Variants in UPF2 observed in about 807,000 individuals in gnomAD.
UPF2 encodes the protein regulator of nonsense transcripts 2.
In UPF2, 17 loss-of-function variants were observed where a neutral mutation model predicts 141.4. That is an observed-to-expected ratio of 0.12 (90% CI 0.08 to 0.18). The LOEUF is 0.18. UPF2 is among the 10% of genes least tolerant of loss of function. The pLI is 1.00. For missense variants in UPF2, 1,152 were observed against 1,515.9 expected, an observed-to-expected ratio of 0.76 and a Z score of 3.99; for synonymous variants, 540 against 498.0, an observed-to-expected ratio of 1.08 and a Z score of -1.12.
intron 11 of UPF2, among the ~76,000 whole-genome samples, chr10:11,960,904 C>A (rs974669805): frequency 4.6e-5 from 7 of 151,964 alleles, no homozygotes; most frequent in Admixed American, 2.6e-4. Context: ...GCAGTCCTAG[C>A]AACGTAGTGA....
chr10:11,951,771 C>A (rs1363683356), intron 15 of UPF2, among the ~76,000 whole-genome samples: 2 of 152,020 alleles, frequency 1.3e-5, no homozygotes, highest in East Asian at 1.9e-4. Context: ...ATATTAGCAA[C>A]CAAAAATTCT....
At chr10:12,023,000 C>A (rs1354855090) in intron 3 of UPF2, among the ~76,000 whole-genome samples, 1 of 151,952 alleles carries the variant, frequency 6.6e-6, no homozygotes, top group Non-Finnish European at 1.5e-5. Context: ...AAACTTGTTA[C>A]CACTTCCACC....
chr10:12,032,271 G>T (rs1834538159), intron 2 of UPF2, among the ~76,000 whole-genome samples: 1 of 148,716 alleles, frequency 6.7e-6, no homozygotes, highest in African/African-American at 2.5e-5. Flanking sequence ...TCCAGCCTGG[G>T]CAACAAGAGT....
intron 2 of UPF2, among the ~76,000 whole-genome samples, chr10:12,033,034 C>T (rs1834555616): frequency 6.6e-6 from 1 of 152,032 alleles, no homozygotes; most frequent in African/African-American, 2.4e-5. Flanking sequence ...AAGTAGAAGT[C>T]CTAAAGAACA....
intron 11 of UPF2, among the ~76,000 whole-genome samples, chr10:11,962,181 C>A (rs541198541): frequency 4.4e-4 from 67 of 152,314 alleles, no homozygotes; most frequent in African/African-American, 1.6e-3. Context: ...ACTTTTCCCC[C>A]ACACACGCAC....
intron 3 of UPF2, among the ~76,000 whole-genome samples, chr10:12,021,365 A>AC: frequency 9.4e-6 from 1 of 106,566 alleles, no homozygotes; most frequent in Non-Finnish European, 2.3e-5. Context: ...CCAAGTCTCT[A>AC]CAAAAAAAAA....
chr10:11,973,977 G>A (rs1024529830), intron 9 of UPF2, among the ~76,000 whole-genome samples: 3 of 152,186 alleles, frequency 2.0e-5, no homozygotes, highest in Admixed American at 6.5e-5. Flanking sequence ...ACCTTGGGCA[G>A]TATGGCCATT....
intron 8 of UPF2, among the ~76,000 whole-genome samples, chr10:11,983,822 C>T (rs541700002): frequency 2.1e-3 from 321 of 152,204 alleles, no homozygotes; most frequent in African/African-American, 7.1e-3. Context: ...TGAAATAACA[C>T]GTTTTCTATG....
intron 9 of UPF2, among the ~76,000 whole-genome samples, chr10:11,974,284 C>T (rs1028732323): frequency 3.3e-4 from 50 of 152,234 alleles, no homozygotes; most frequent in Admixed American, 8.5e-4. Context: ...TGGGCTGAGA[C>T]GATGGGGCTT....
intron 11 of UPF2, among the ~76,000 whole-genome samples, chr10:11,961,270 T>C (rs563464144): frequency 1.3e-5 from 2 of 151,954 alleles, no homozygotes; most frequent in Non-Finnish European, 2.9e-5. Flanking sequence ...CAATAATAAT[T>C]GCAACAGTAG....
chr10:11,927,320 T>A (rs1306561992), intron 21 of UPF2, among the ~76,000 whole-genome samples: 1 of 152,230 alleles, frequency 6.6e-6, no homozygotes, highest in African/African-American at 2.4e-5. Flanking sequence ...TAGGCTGCAA[T>A]ATGAACAGGT....
chr10:12,009,311 G>A (rs1288358034), intron 4 of UPF2, among the ~76,000 whole-genome samples: 2 of 151,954 alleles, frequency 1.3e-5, no homozygotes, highest in Non-Finnish European at 2.9e-5. Context: ...ATCAACAGAG[G>A]ACAAGTAAAT....
At chr10:11,933,399 C>T (rs1355295073) in intron 19 of UPF2, among the ~76,000 whole-genome samples, 1 of 152,142 alleles carries the variant, frequency 6.6e-6, no homozygotes, top group Non-Finnish European at 1.5e-5. Context: ...AGTTTAGAAG[C>T]ACTGAAAATT....
chr10:12,036,311 T>C (rs540224213), intron 1 of UPF2, among the ~76,000 whole-genome samples: 4 of 152,200 alleles, frequency 2.6e-5, no homozygotes, highest in Non-Finnish European at 5.9e-5. Flanking sequence ...CAACCAAATA[T>C]AACTCCAGAC....
At chr10:11,975,993 T>C (rs1833501440) in intron 9 of UPF2, among the ~76,000 whole-genome samples, 1 of 152,214 alleles carries the variant, frequency 6.6e-6, no homozygotes, top group Non-Finnish European at 1.5e-5. Flanking sequence ...GGACATGTCC[T>C]CATAGCTGTC....
In UPF2 at chr10:11,998,257, C is replaced by T. The variant is rs1258871701; in HGVS notation, c.1759-500G>A. ...CTCTTCACAAGTGCAGGAAATGGCG[C>T]TCTCTCTCTCTCTCCAAGATGCCTT... On this transcript the variant is annotated intron_variant, in intron 7 of 21. Transcript: ENST00000357604. The surrounding 1 kb of genome is among the most constrained non-coding windows in gnomAD (Gnocchi z 4.5). Among the ~76,000 whole-genome samples the T allele has an allele frequency of 1.3e-5, 2 of 151,328 alleles. No individual in the cohort carries two copies. The highest frequency in any genetic ancestry group is 3.0e-5 in the Non-Finnish European group (2 of 67,778).
At chr10:11,981,784 C>G (rs935546969) in intron 8 of UPF2, among the ~76,000 whole-genome samples, 3 of 152,128 alleles carry the variant, frequency 2.0e-5, no homozygotes, top group Non-Finnish European at 4.4e-5. Flanking sequence ...CTCCCGGGTT[C>G]AAGCGATACT....
In UPF2 at chr10:11,956,235, T is replaced by C. The variant is rs1283921990; in HGVS notation, c.2574+85A>G. 19 of 1,248,058 alleles carry C rather than the reference T, an allele frequency of 1.5e-5. No individual in the cohort carries two copies. The highest frequency in any genetic ancestry group is 6.0e-5 in the African/African-American group (4 of 66,902). The allele number at this position is 1,248,058 out of a possible 1,614,324, so 77.3% of individuals were successfully genotyped here. ...TCTAACTAATAAATTTACAGATTCC[T>C]ATAACTTGAGTCTCAATAGTAACCT... On this transcript the variant is annotated intron_variant, in intron 13 of 21. Coordinates refer to ENST00000357604, the MANE Select transcript of UPF2 (RefSeq NM_015542.4). The surrounding 1 kb of genome is among the most constrained non-coding windows in gnomAD (Gnocchi z 4.2).
chr10:11,983,346 C>G (rs1833630544), intron 8 of UPF2, among the ~76,000 whole-genome samples: 1 of 152,058 alleles, frequency 6.6e-6, no homozygotes, highest in African/African-American at 2.4e-5. Flanking sequence ...TTCCTAAGAT[C>G]AATCTTCTTT....
Sources: gnomAD v4.1 joint callset for allele counts (sites outside exome capture counted in the v4.1 genomes callset) on GRCh38, gnomAD v4.1.1 for gene constraint, Gnocchi (gnomAD v3.1) non-coding constraint, MANE v1.5 for transcripts, NCBI Gene and HGNC (gene_info 2026-07-23, HGNC 2026-07-21) for gene names.